The following SLC28A1 variants were observed in gnomAD, a reference collection of about 807,000 sequenced individuals.
SLC28A1 encodes the protein solute carrier family 28 member 1.
A neutral mutation model predicts 74.8 loss-of-function variants in SLC28A1; 64 were observed. That is an observed-to-expected ratio of 0.86 (90% CI 0.70 to 1.05). The LOEUF (loss-of-function observed/expected upper bound fraction) is 1.05. Among genes scored for constraint, SLC28A1 ranks in the 50% least tolerant of loss-of-function variants. The pLI is 0.00. For missense variants in SLC28A1, 828 were observed against 822.8 expected (o/e 1.01, Z -0.08); for synonymous variants, 359 against 335.0 (o/e 1.07, Z -0.78).
At chr15:84,941,049 C>T (rs965360265) in intron 15 of SLC28A1, 1 of 152,864 alleles carries the variant, frequency 6.5e-6, no homozygotes, top group Admixed American at 6.5e-5. Context: ...GGTGCTTCTT[C>T]TCGTGTCCCT....
At chr15:84,894,897 G>T (rs1047201592) in intron 5 of SLC28A1, 43 bp from the exon 6 acceptor site, 2 of 1,595,638 alleles carry the variant, frequency 1.3e-6, no homozygotes, top group African/African-American at 1.3e-5. Flanking sequence ...TTCTGAAGAG[G>T]TGGTGTCCTG....
intron 12 of SLC28A1, among the ~76,000 whole-genome samples, chr15:84,924,349 A>G (rs1474833041): frequency 6.6e-6 from 1 of 152,088 alleles, no homozygotes. Context: ...GCTAGGTACC[A>G]GGCAGTATGC....
intron 6 of SLC28A1, among the ~76,000 whole-genome samples, chr15:84,898,146 A>G (rs908163998): frequency 2.7e-5 from 4 of 147,852 alleles, no homozygotes; most frequent in Admixed American, 2.0e-4. Flanking sequence ...TTTTTTTCAT[A>G]TATACCCAGT....
chr15:84,943,477 CTG>C lies in SLC28A1; in HGVS notation c.1617_1618del (p.Cys539TrpfsTer58), dbSNP rs1405016194. 1.9e-6 allele frequency: 3 copies of C among 1,614,104 alleles called. No individual in the cohort carries two copies. Among genetic ancestry groups the C allele is most frequent in the Admixed American group, 1.7e-5 (1 of 60,032 alleles). ...RAEVLTTFAL[C>X]GFANFSSIGI... ...CTGAAGTCCTCACGACGTTTGCCCT[CTG>C]TGGATTTGCCAATTTCAGCTCCATT... On this transcript the variant is annotated frameshift_variant, in exon 16 of 19. Transcript: ENST00000394573. LOFTEE classifies it high-confidence loss of function.
chr15:84,925,058 G>A (rs1000417424), intron 12 of SLC28A1, among the ~76,000 whole-genome samples: 4 of 139,606 alleles, frequency 2.9e-5, no homozygotes, highest in Non-Finnish European at 4.6e-5. Context: ...GCCCCACCGC[G>A]CCCAGCTAGT....
At chr15:84,973,057 C>T in the SLC28A1 span, among the ~76,000 whole-genome samples, 2 of 137,912 alleles carry the variant, frequency 1.5e-5, no homozygotes, top group Admixed American at 6.8e-5. Flanking sequence ...CTGACAAGGC[C>T]CTGCATGGTC....
At chr15:84,965,588 G>A in the SLC28A1 span, among the ~76,000 whole-genome samples, 1 of 152,116 alleles carries the variant, frequency 6.6e-6, no homozygotes, top group African/African-American at 2.4e-5. Context: ...ACATAACTAA[G>A]TTTTGGCCAA....
the SLC28A1 span, among the ~76,000 whole-genome samples, chr15:84,959,014 C>A: frequency 6.8e-6 from 1 of 146,566 alleles, no homozygotes; most frequent in East Asian, 2.1e-4. Context: ...GCAGGAGAAT[C>A]GTTTGAACCC....
chr15:84,941,921 A>C (rs1327014370), intron 15 of SLC28A1, among the ~76,000 whole-genome samples: 1 of 152,214 alleles, frequency 6.6e-6, no homozygotes, highest in Admixed American at 6.5e-5. Flanking sequence ...ACTGAGTTCA[A>C]ATTCTGATAC....
rs116123263 is a variant in SLC28A1, at chr15:84,934,006, C to T, written c.1214+731C>T. 9.7e-3 allele frequency among the ~76,000 whole-genome samples: 1,479 copies of T among 152,242 alleles called. 23 individuals carry two copies. Among genetic ancestry groups the T allele is most frequent in the African/African-American group, 0.034 (1,403 of 41,546 alleles). On this transcript the variant is annotated intron_variant, in intron 13 of 18. Coordinates refer to ENST00000394573, the MANE Select transcript of SLC28A1 (RefSeq NM_004213.5). ...AAAACAAAAAGCCACCAGTCCTACTCCCATGATAACCCATTATCCCATTAA... is the reference window on the plus strand; with the variant it reads ...AAAACAAAAAGCCACCAGTCCTACTTCCATGATAACCCATTATCCCATTAA...
chr15:84,946,084 TCATATATATATATA>T (rs1344295565), downstream of SLC28A1, among the ~76,000 whole-genome samples: 3 of 27,526 alleles, frequency 1.1e-4, no homozygotes, highest in African/African-American at 4.7e-4. Flanking sequence ...GTGTGTATGT[TCATATATATATATA>T]TATATATATA....
intron 12 of SLC28A1, among the ~76,000 whole-genome samples, chr15:84,925,225 T>C (rs896446107): frequency 3.2e-4 from 49 of 152,002 alleles, no homozygotes; most frequent in African/African-American, 1.2e-3. Context: ...GGCCTGGTAA[T>C]TGCTTTTAAT....
At chr15:84,908,206 CAG>C (rs1440001113) in intron 8 of SLC28A1, among the ~76,000 whole-genome samples, 1 of 75,038 alleles carries the variant, frequency 1.3e-5, no homozygotes, top group Non-Finnish European at 2.4e-5. Flanking sequence ...TTTTTTGAGA[CAG>C]AGTCTCGCTC....
the SLC28A1 span, among the ~76,000 whole-genome samples, chr15:84,955,931 C>A: frequency 2.0e-5 from 3 of 152,146 alleles, no homozygotes; most frequent in Non-Finnish European, 2.9e-5. Flanking sequence ...GAACCCCCAA[C>A]TTCCTCCTTC....
chr15:84,972,134 A>G, the SLC28A1 span, among the ~76,000 whole-genome samples: 1 of 152,166 alleles, frequency 6.6e-6, no homozygotes, highest in South Asian at 2.1e-4. Flanking sequence ...AGCCAGAACC[A>G]CTGGCACTGC....
intron 4 of SLC28A1, among the ~76,000 whole-genome samples, chr15:84,889,750 T>G (rs1567114294): frequency 1.0e-3 from 126 of 124,844 alleles, no homozygotes; most frequent in African/African-American, 3.7e-3. Flanking sequence ...CCTTCCTTCC[T>G]TCCTTCCTTC....
intron 12 of SLC28A1, among the ~76,000 whole-genome samples, chr15:84,931,416 G>A (rs1367028986): frequency 6.6e-6 from 1 of 151,390 alleles, no homozygotes; most frequent in Non-Finnish European, 1.5e-5. Flanking sequence ...GGAGGCCAAG[G>A]CAGGCAGATC....
chr15:84,926,561 G>T (rs1329527160), intron 12 of SLC28A1: 3 of 454,118 alleles, frequency 6.6e-6, no homozygotes, highest in Admixed American at 4.7e-5. Context: ...GTGATATAGG[G>T]ATATTCTCAC....
In SLC28A1 at chr15:84,932,993, AT is replaced by A; in HGVS notation, c.1084-150del. 4.1e-4 allele frequency: 99 copies of A among 244,318 alleles called. 28 individuals carry two copies. In the East Asian group the frequency reaches 0.034, roughly 85 times the overall value. 15.1% of individuals were successfully genotyped at this position (244,318 alleles called of 1,614,324 possible). A position where few individuals can be genotyped will look rare whatever the true frequency, so the allele number is the denominator to read the frequency against. ...CTGTGACCTTCTACACATAAAAGGT[AT>A]TATTATTATTAGTGATGACAGCAGT... On this transcript the variant is annotated intron_variant, in intron 12 of 18. Transcript: ENST00000394573.
Sources: allele counts gnomAD v4.1 joint callset (sites outside exome capture counted in the v4.1 genomes callset), GRCh38; gene constraint gnomAD v4.1.1; transcripts MANE v1.5; gene names NCBI Gene and HGNC (gene_info 2026-07-23, HGNC 2026-07-21).